Variants in USP35 observed in about 807,000 individuals in gnomAD.
USP35 encodes ubiquitin carboxyl-terminal hydrolase 35.
In USP35, 69 loss-of-function variants were observed where a neutral mutation model predicts 83.8. The observed-to-expected ratio is 0.82, with a 90% CI of 0.68 to 1.01. USP35 has a LOEUF of 1.01. USP35 is among the 50% of genes least tolerant of loss of function. The pLI is 0.00. For synonymous variants in USP35, 714 were observed against 589.5 expected (o/e 1.21, Z -3.06); for missense variants, 1,503 against 1,362.5 (o/e 1.10, Z -1.62).
At chr11:78,220,764 C>T in the USP35 span, among the ~76,000 whole-genome samples, 5 of 152,338 alleles carry the variant, frequency 3.3e-5, no homozygotes, top group East Asian at 9.6e-4. Context: ...GTGCTAACCC[C>T]TGTACCACAC....
rs1565407096 is a variant in USP35 at position 78,213,981 on chromosome 11, C to CA, written c.*168_*169insA. 1.8e-4 allele frequency: 126 copies of CA among 714,312 alleles called. No individual in the cohort carries two copies. The African/African-American group carries it at 2.0e-3, about 11-fold the overall frequency. The allele number at this position is 714,312 out of a possible 1,614,324, so 44.2% of individuals were successfully genotyped here. A position where few individuals can be genotyped will look rare whatever the true frequency, so the allele number is the denominator to read the frequency against. On this transcript the variant is annotated 3_prime_UTR_variant, in exon 11 of 11. Transcript: ENST00000529308. ...ATTCTCTCAGATATGGAAGTAAGACCTAAGTCCCTTTCATTGGGGATCAGT... is the reference window on the plus strand; with the variant it reads ...ATTCTCTCAGATATGGAAGTAAGACCATAAGTCCCTTTCATTGGGGATCAGT...
chr11:78,209,069 C>T (rs1447046960), intron 9 of USP35, 106 bp downstream of exon 9: 4 of 1,180,722 alleles, frequency 3.4e-6, no homozygotes, highest in East Asian at 2.5e-5. Flanking sequence ...AGTGTGCTGC[C>T]TCCAACATGT....
Position 78,196,920 on chromosome 11 carries a change from T to A in USP35, c.673+2T>A. ...TGTTCGCAGTCATCTCCTGCGCAGG[T>A]GCGTGTGCGGCCGGGGCAGGAGCGC... On this transcript the variant is annotated splice_donor_variant, in intron 2 of 10. Coordinates refer to ENST00000529308, the MANE Select transcript of USP35 (RefSeq NM_020798.4). LOFTEE classifies it high-confidence loss of function. The surrounding 1 kb of genome is among the most constrained non-coding windows in gnomAD (Gnocchi z 4.8). 6.9e-7 allele frequency: 1 copy of A among 1,447,892 alleles called. No homozygotes were observed. The highest frequency in any genetic ancestry group is 9.1e-7 in the Non-Finnish European group (1 of 1,103,810). The allele number at this position is 1,447,892 out of a possible 1,614,324, so 89.7% of individuals were successfully genotyped here.
At chr11:78,220,124 G>A (rs1864347739), downstream of USP35, among the ~76,000 whole-genome samples, 1 of 152,204 alleles carries the variant, frequency 6.6e-6, no homozygotes, top group Non-Finnish European at 1.5e-5. Context: ...AGGGTACTGT[G>A]CTCTGAGAGC....
In USP35 at chr11:78,196,605, G is replaced by T; in HGVS notation, c.360G>T (p.Val120=). 7.8e-7 allele frequency: 1 copy of T among 1,278,936 alleles called. No individual in the cohort carries two copies. Among genetic ancestry groups the T allele is most frequent in the Non-Finnish European group, 9.9e-7 (1 of 1,014,218 alleles). The allele number at this position is 1,278,936 out of a possible 1,614,324, so 79.2% of individuals were successfully genotyped here. A position where few individuals can be genotyped will look rare whatever the true frequency, so the allele number is the denominator to read the frequency against. Residue 120 remains valine, a synonymous_variant, in exon 2 of 11, where the codon GTG becomes GTT. Coordinates refer to ENST00000529308, the MANE Select transcript of USP35 (RefSeq NM_020798.4). This position sits in a 1 kb window ranked among gnomAD's most constrained non-coding sequence, Gnocchi z 4.8. The part of the protein sequence containing the change: ...LLPEGPAADE[V]FALLRREVLR... ...CCGAGGGGCCTGCGGCCGACGAGGT[G>T]TTCGCGCTGCTGCGGCGCGAGGTGC...
At chr11:78,202,800 C>G (rs988301125) in intron 6 of USP35, among the ~76,000 whole-genome samples, 3 of 152,174 alleles carry the variant, frequency 2.0e-5, no homozygotes, top group African/African-American at 7.2e-5. Flanking sequence ...CCAAGGGTTT[C>G]TACATCGAAA....
At chr11:78,202,067 A>G (rs1271930883) in intron 6 of USP35, among the ~76,000 whole-genome samples, 3 of 152,248 alleles carry the variant, frequency 2.0e-5, no homozygotes, top group Non-Finnish European at 4.4e-5. Context: ...CCCAGGGGCC[A>G]AAAAGGAAGA....
intron 7 of USP35, among the ~76,000 whole-genome samples, chr11:78,206,828 T>C (rs978563938): frequency 2.6e-5 from 4 of 152,216 alleles, no homozygotes; most frequent in African/African-American, 9.6e-5. Flanking sequence ...GAACAGGAGA[T>C]AAGCTGGGGC....
downstream of USP35, chr11:78,216,722 A>G (rs927818469): frequency 6.6e-6 from 1 of 152,284 alleles, no homozygotes; most frequent in Non-Finnish European, 1.5e-5. Flanking sequence ...CACTCAGAAC[A>G]TGCTCACATG....
At chr11:78,203,492 G>T (rs73507291) in intron 6 of USP35, among the ~76,000 whole-genome samples, 4,658 of 152,236 alleles carry the variant, frequency 0.031, 191 homozygotes, top group African/African-American at 0.099. Flanking sequence ...AGCCTGACAT[G>T]AGCTCTGAGT....
rs2134413330 is a variant in USP35, at chr11:78,209,706, C to T, written c.1851C>T (p.Pro617=). 6.2e-7 allele frequency: 1 copy of T among 1,614,058 alleles called. No individual in the cohort carries two copies. Among genetic ancestry groups the T allele is most frequent in the Non-Finnish European group, 8.5e-7 (1 of 1,179,976 alleles). Residue 617 remains proline, a synonymous_variant, in exon 10 of 11, where the codon CCC becomes CCT. Coordinates refer to ENST00000529308, the MANE Select transcript of USP35 (RefSeq NM_020798.4). The part of the protein sequence containing the change: ...RRRRLGSVMR[P]TEDITARELP... Reference sequence around the variant, plus strand: ...GCCGCCTGGGCTCTGTGATGCGCCCCACAGAAGACATCACAGCCCGGGAGT... The same window carrying T: ...GCCGCCTGGGCTCTGTGATGCGCCCTACAGAAGACATCACAGCCCGGGAGT...
At chr11:78,226,481 G>A in the USP35 span, 1 of 1,613,424 alleles carries the variant, frequency 6.2e-7, no homozygotes, top group South Asian at 1.1e-5. Context: ...GAAGTCGGCT[G>A]TTGTCCATTG....
chr11:78,226,937 G>C, the USP35 span: 2 of 1,613,774 alleles, frequency 1.2e-6, no homozygotes, highest in Non-Finnish European at 1.7e-6. Context: ...AGAAGCCATG[G>C]ACTTGACCAC....
intron 1 of USP35, among the ~76,000 whole-genome samples, chr11:78,190,241 G>T (rs901099): frequency 0.36 from 53,511 of 148,300 alleles, 9,771 homozygotes; most frequent in East Asian, 0.58. Context: ...ACAGATTTTT[G>T]TTTTGTTTTG....
chr11:78,214,377 T>TGGGG lies in USP35; in HGVS notation c.*564_*565insGGGG, dbSNP rs139748612. On this transcript the variant is annotated 3_prime_UTR_variant, in exon 11 of 11. Transcript: ENST00000529308. ...CCTTACCAAGCGCCACTGCATGGTT[T>TGGGG]TGGGGGGGGGGGCGGGGGGCTAGCT... The TGGGG allele has an allele frequency of 0.011, 573 of 52,564 alleles. 42 individuals carry two copies. The highest frequency in any genetic ancestry group is 0.021 in the South Asian group (32 of 1,544). The allele number at this position is 52,564 out of a possible 1,614,324, so 3.3% of individuals were successfully genotyped here. A position where few individuals can be genotyped will look rare whatever the true frequency, so the allele number is the denominator to read the frequency against.
At chr11:78,204,146 T>C (rs1363680029) in intron 6 of USP35, among the ~76,000 whole-genome samples, 1 of 152,132 alleles carries the variant, frequency 6.6e-6, no homozygotes, top group African/African-American at 2.4e-5. Flanking sequence ...CGCCTCGGCC[T>C]CCCAAAGTGC....
In USP35 at chr11:78,213,744, T is replaced by G; in HGVS notation, c.2988T>G (p.Asp996Glu). 6.5e-7 allele frequency: 1 copy of G among 1,542,324 alleles called. No individual in the cohort carries two copies. Among genetic ancestry groups the G allele is most frequent in the Non-Finnish European group, 8.7e-7 (1 of 1,153,888 alleles). The change falls in exon 11 of 11, where the codon GAT (aspartate) becomes GAG (glutamate). Residue 996 changes from aspartate to glutamate, a missense_variant. Asp to Glu is a conservative substitution (Grantham distance 45). Coordinates refer to ENST00000529308, the MANE Select transcript of USP35 (RefSeq NM_020798.4). ...GRGFDEDKDE[D>E]EGSPGGCNPA... ...GCTTTGATGAAGACAAGGATGAGGA[T>G]GAAGGCTCTCCAGGGGGCTGCAATC... is the stretch of plus-strand genomic sequence containing the variant.
chr11:78,191,850 T>TA (rs1278339945), intron 1 of USP35, among the ~76,000 whole-genome samples: 1 of 150,118 alleles, frequency 6.7e-6, no homozygotes, highest in African/African-American at 2.5e-5. Context: ...TCTTTTTTTT[T>TA]TTTTTTTTTT....
the USP35 span, chr11:78,227,067 G>A: frequency 6.5e-7 from 1 of 1,534,776 alleles, no homozygotes; most frequent in African/African-American, 1.4e-5. Context: ...AGAGAAAGAA[G>A]GGAAAGGGCA....
Sources: gnomAD v4.1 joint callset for allele counts (sites outside exome capture counted in the v4.1 genomes callset) on GRCh38, gnomAD v4.1.1 for gene constraint, Gnocchi (gnomAD v3.1) non-coding constraint, MANE v1.5 for transcripts, NCBI Gene and HGNC (gene_info 2026-07-23, HGNC 2026-07-21) for gene names.